NOTCH3: variants seen among roughly 807,000 people sequenced by gnomAD.
NOTCH3 encodes notch receptor 3, also known as neurogenic locus notch homolog protein 3.
A neutral mutation model predicts 213.3 loss-of-function variants in NOTCH3; 86 were observed. The observed-to-expected ratio is 0.40, with a 90% CI of 0.34 to 0.48. NOTCH3 has a LOEUF of 0.48. Ranked by LOEUF, NOTCH3 falls within the 20% of genes least tolerant of loss-of-function variation. NOTCH3 has a pLI of 0.57. For synonymous variants in NOTCH3, 1,354 were observed against 1,355.9 expected (o/e 1.00, Z 0.03); for missense variants, 2,783 against 3,272.6 (o/e 0.85, Z 3.65).
rs376590511 is a variant in NOTCH3 at position 15,165,903 on chromosome 19, G to A, written c.5551C>T (p.Arg1851Cys). 18 of 1,613,976 alleles carry A rather than the reference G, an allele frequency of 1.1e-5. No individual in the cohort carries two copies. Among genetic ancestry groups the A allele is most frequent in the East Asian group, 4.5e-5 (2 of 44,876 alleles). The part of the protein sequence containing the change: ...TALHLAARYA[R>C]ADAAKRLLDA... The stretch of plus-strand genomic sequence containing the variant: ...AGCAGCCGCTTGGCTGCATCAGCAC[G>A]GGCATAACGGGCAGCCAGGTGCAAA... The change falls in exon 30 of 33, where the codon CGT (arginine) becomes TGT (cysteine). Residue 1851 changes from arginine to cysteine, a missense_variant. Coordinates refer to ENST00000263388, the MANE Select transcript of NOTCH3 (RefSeq NM_000435.3). This position sits in a 1 kb window ranked among gnomAD's most constrained non-coding sequence, Gnocchi z 4.7.
At position 15,185,423 on chromosome 19, in the gene NOTCH3, T is replaced by C. The variant is rs1056023009; in HGVS notation, c.2145-15A>G. On this transcript the variant is annotated splice_polypyrimidine_tract_variant and intron_variant, in intron 13 of 32. Transcript: ENST00000263388. This position sits in a 1 kb window ranked among gnomAD's most constrained non-coding sequence, Gnocchi z 4.2. ...CACAGCGGAACCTGGCAGGGGAAGG[T>C]AGTCAGGCCAGGGAGGTGGGCCAGG... 6 of 1,610,926 alleles carry C rather than the reference T, an allele frequency of 3.7e-6. No individual in the cohort carries two copies. The highest frequency in any genetic ancestry group is 5.1e-6 in the Non-Finnish European group (6 of 1,178,846).
intron 2 of NOTCH3, 59 bp downstream of exon 2, chr19:15,197,441 G>GGGGGGGCCCCCCCCCCCCC: frequency 2.6e-6 from 2 of 768,360 alleles, no homozygotes; most frequent in Non-Finnish European, 4.6e-6. Context: ...AAGACAAATC[G>GGGGGGGCCCCCCCCCCCCC]CCCCTCCCCC....
At chr19:15,164,222 AGTTTTTT>A (rs58488918) in intron 31 of NOTCH3, among the ~76,000 whole-genome samples, 135,740 of 150,884 alleles carry the variant, frequency 0.9, 61,372 homozygotes, top group African/African-American at 0.97. Context: ...TCAATAAAGC[AGTTTTTT>A]GTTTTTTGTT....
chr19:15,175,855 G>C lies in NOTCH3; in HGVS notation c.4404-1455C>G, dbSNP rs529310238. Among the ~76,000 whole-genome samples, 3 of 151,730 alleles carry C rather than the reference G, an allele frequency of 2.0e-5. No individual in the cohort carries two copies. In the South Asian group the frequency reaches 6.2e-4, roughly 32 times the overall value. ...TATCTGGGAAACAGCAGAGAGGCCA[G>C]GGTGGCTGGAACAGAGTGAGTGAGG... On this transcript the variant is annotated intron_variant, in intron 24 of 32. Coordinates refer to ENST00000263388, the MANE Select transcript of NOTCH3 (RefSeq NM_000435.3).
rs775037606 is a variant in NOTCH3, at chr19:15,170,579, G to A, written c.4892-26C>T. On this transcript the variant is annotated intron_variant, in intron 26 of 32. Coordinates refer to ENST00000263388, the MANE Select transcript of NOTCH3 (RefSeq NM_000435.3). ...CTAAGAGCAGGAAGCAGAGGGCGGG[G>A]CTTCAGCCGAGGGCGGGGCTTTGGC... The A allele has an allele frequency of 8.7e-6, 14 of 1,600,916 alleles. No homozygotes were observed. In the Admixed American group the frequency reaches 2.4e-4, roughly 27 times the overall value.
intron 23 of NOTCH3, 152 bp downstream of exon 23, chr19:15,178,671 T>C (rs2046812262): frequency 1.4e-6 from 1 of 690,728 alleles, no homozygotes; most frequent in Admixed American, 2.1e-5. Flanking sequence ...AGGTGTGAGC[T>C]ACCACACCCG....
rs1234495377 is a variant in NOTCH3 at position 15,192,460 on chromosome 19, G to A, written c.257C>T (p.Pro86Leu). Residue 86 changes from proline to leucine, a missense_variant, in exon 3 of 33, where the codon CCC becomes CTC. Physicochemically the swap from Pro to Leu is moderately conservative, Grantham distance 98 (BLOSUM62 -3). Coordinates refer to ENST00000263388, the MANE Select transcript of NOTCH3 (RefSeq NM_000435.3). ...CTGGCAGACACCACGGCCAGCACAG[G>A]GGCCTGAGTGACAGGGGTCCTCCAG... ...CQLEDPCHSG[P>L]CAGRGVCQSS... is the part of the protein sequence containing the mutation. 1.2e-6 allele frequency: 2 copies of A among 1,611,560 alleles called. No individual in the cohort carries two copies. Among genetic ancestry groups the A allele is most frequent in the Non-Finnish European group, 1.7e-6 (2 of 1,179,558 alleles).
In NOTCH3 at chr19:15,180,624, T is replaced by TAC. The variant is rs2046831323; in HGVS notation, c.3142+55_3142+56dup. On this transcript the variant is annotated intron_variant, in intron 19 of 32. Coordinates refer to ENST00000263388, the MANE Select transcript of NOTCH3 (RefSeq NM_000435.3). ...CCATTCGGCTCACACTAGCAGGAGG[T>TAC]ACGTGCATGAGCCCCTTCCCAAGGC... 7.2e-6 allele frequency: 11 copies of TAC among 1,531,528 alleles called. No individual in the cohort carries two copies. The Admixed American group carries it at 2.2e-4, about 30-fold the overall frequency. The allele number at this position is 1,531,528 out of a possible 1,614,324, so 94.9% of individuals were successfully genotyped here. A position where few individuals can be genotyped will look rare whatever the true frequency, so the allele number is the denominator to read the frequency against.
rs1555729455 is a variant in NOTCH3, at chr19:15,192,005, A to T, written c.634T>A (p.Cys212Ser). The T allele has an allele frequency of 6.2e-7, 1 of 1,613,250 alleles. No individual in the cohort carries two copies. Among genetic ancestry groups the T allele is most frequent in the Non-Finnish European group, 8.5e-7 (1 of 1,179,962 alleles). The change falls in exon 4 of 33, where the codon TGC becomes AGC. Residue 212 changes from cysteine (C) to serine (S), a missense_variant. Physicochemically the swap from Cys to Ser is moderately radical, Grantham distance 112. Transcript: ENST00000263388. ...TAAGTGAGGTCGCCACTCTGCCTGCAGGTGCCCCCGTTACGGCATGGTGAG... is the reference window on the plus strand; with the variant it reads ...TAAGTGAGGTCGCCACTCTGCCTGCTGGTGCCCCCGTTACGGCATGGTGAG... ...APSPCRNGGT[C>S]RQSGDLTYDC... is the part of the protein sequence containing the mutation.
intron 1 of NOTCH3, among the ~76,000 whole-genome samples, chr19:15,200,185 C>A (rs1415166922): frequency 1.4e-5 from 2 of 143,266 alleles, no homozygotes; most frequent in South Asian, 2.3e-4. Flanking sequence ...TCCGGGTCCC[C>A]GCGGCCAGAG....
At position 15,161,399 on chromosome 19, in the gene NOTCH3, G is replaced by T; in HGVS notation, c.6229C>A (p.Pro2077Thr). 6.6e-7 allele frequency: 1 copy of T among 1,522,194 alleles called. No homozygotes were observed. The allele number at this position is 1,522,194 out of a possible 1,614,324, so 94.3% of individuals were successfully genotyped here. A position where few individuals can be genotyped will look rare whatever the true frequency, so the allele number is the denominator to read the frequency against. Reference protein sequence around the residue: ...PGKAGLGPQGPRGRGKKLTLA... With the variant: ...PGKAGLGPQGTRGRGKKLTLA... ...GTCAGCTTCTTGCCCCGCCCCCGGGGCCCCTGCGGCCCCAGCCCCGCCTTC... is the reference window on the plus strand; with the variant it reads ...GTCAGCTTCTTGCCCCGCCCCCGGGTCCCCTGCGGCCCCAGCCCCGCCTTC... The change falls in exon 33 of 33, where the codon CCC becomes ACC. Residue 2077 changes from proline to threonine, a missense_variant. Coordinates refer to ENST00000263388, the MANE Select transcript of NOTCH3 (RefSeq NM_000435.3).
At chr19:15,177,248 C>CGG (rs58035858) in intron 24 of NOTCH3, among the ~76,000 whole-genome samples, 1 of 147,002 alleles carries the variant, frequency 6.8e-6, no homozygotes, top group African/African-American at 2.5e-5. Flanking sequence ...GACTCCATCT[C>CGG]GGGAAAAAAA....
intron 2 of NOTCH3, among the ~76,000 whole-genome samples, chr19:15,193,092 T>G (rs559163084): frequency 1.3e-5 from 2 of 152,028 alleles, no homozygotes; most frequent in Non-Finnish European, 2.9e-5. Flanking sequence ...CAAATTAATA[T>G]ACAACATGCT....
intron 12 of NOTCH3, among the ~76,000 whole-genome samples, chr19:15,186,272 C>T (rs1031534823): frequency 2.0e-5 from 3 of 152,100 alleles, no homozygotes; most frequent in Non-Finnish European, 4.4e-5. Flanking sequence ...AGCAAAGTCA[C>T]ATTCATTTCC....
At position 15,178,057 on chromosome 19, in the gene NOTCH3, G is replaced by A; in HGVS notation, c.3871C>T (p.Arg1291Cys). ...GGGCACTGCAGCTCCCGGCAGGAGC[G>A]CGCCACCCGCTCGCAACGCGGACCC... ...FWGPRCERVA[R>C]SCRELQCPVG... The change falls in exon 24 of 33, where the codon CGC (arginine) becomes TGC (cysteine). Residue 1291 changes from arginine (R) to cysteine (C), a missense_variant. This residue lies in a region of NOTCH3 where 861 missense variants were observed against 909.1 expected (regional missense o/e 0.95). Coordinates refer to ENST00000263388, the MANE Select transcript of NOTCH3 (RefSeq NM_000435.3). 3 of 1,519,916 alleles carry A rather than the reference G, an allele frequency of 2.0e-6. No individual in the cohort carries two copies. Among genetic ancestry groups the A allele is most frequent in the Non-Finnish European group, 1.8e-6 (2 of 1,139,598 alleles). The allele number at this position is 1,519,916 out of a possible 1,614,324, so 94.2% of individuals were successfully genotyped here.
rs1247133286 is a variant in NOTCH3, at chr19:15,167,357, G to A, written c.5254C>T (p.Gln1752Ter). The A allele has an allele frequency of 6.2e-7, 1 of 1,611,932 alleles. No individual in the cohort carries two copies. Among genetic ancestry groups the A allele is most frequent in the Admixed American group, 1.7e-5 (1 of 60,026 alleles). The change falls in exon 29 of 33, where the codon CAA becomes TAA. Residue 1752 changes from glutamine to a stop codon, truncating the protein, a stop_gained. Transcript: ENST00000263388. LOFTEE classifies it high-confidence loss of function. ...EEAVDCRQWT[Q>*]HHLVAADIRV... is the part of the protein sequence containing the mutation. ...ATGTCAGCAGCAACCAGATGGTGTTGAGTCCACTGACGGCAATCCACAGCC... is the reference window on the plus strand; with the variant it reads ...ATGTCAGCAGCAACCAGATGGTGTTAAGTCCACTGACGGCAATCCACAGCC...
At chr19:15,169,186 G>GTCTCTCTCTGTC (rs2046709535) in intron 28 of NOTCH3, among the ~76,000 whole-genome samples, 1 of 146,656 alleles carries the variant, frequency 6.8e-6, no homozygotes, top group African/African-American at 2.6e-5. Flanking sequence ...TGTCAAATCT[G>GTCTCTCTCTGTC]TCTCTCTCTC....
At chr19:15,181,198 C>T (rs2145423254) in intron 17 of NOTCH3, 36 bp from the exon 18 acceptor site, 15 of 1,573,366 alleles carry the variant, frequency 9.5e-6, no homozygotes, top group Non-Finnish European at 1.3e-5. Flanking sequence ...GATCAGGCTC[C>T]GCCCCCTCAC....
chr19:15,187,756 A>T, intron 10 of NOTCH3, 125 bp downstream of exon 10: 1 of 777,138 alleles, frequency 1.3e-6, no homozygotes, highest in South Asian at 1.5e-5. Flanking sequence ...CCACCCCCCA[A>T]CTCTGTCACT....
Sources: allele counts gnomAD v4.1 joint callset (sites outside exome capture counted in the v4.1 genomes callset), GRCh38; gene constraint gnomAD v4.1.1; regional missense constraint gnomAD v4.1.1; non-coding constraint Gnocchi (gnomAD v3.1); transcripts MANE v1.5; gene names NCBI Gene and HGNC (gene_info 2026-07-23, HGNC 2026-07-21).